The following PTPRD variants were observed in gnomAD, a reference collection of about 807,000 sequenced individuals.
The protein encoded by PTPRD is protein tyrosine phosphatase receptor type D.
Under a neutral mutation model 214.5 loss-of-function variants are expected in PTPRD, and 34 were observed. That is an observed-to-expected ratio of 0.16 (90% CI 0.12 to 0.21). The LOEUF is 0.21. PTPRD is among the 10% of genes least tolerant of loss of function. The pLI is 1.00. For synonymous variants in PTPRD, 1,128 were observed against 845.7 expected, an observed-to-expected ratio of 1.33 and a Z score of -5.79; for missense variants, 2,545 against 2,398.7, an observed-to-expected ratio of 1.06 and a Z score of -1.27.
chr9:8,907,533 A>AAAAAAATAT (rs3046919), intron 11 of PTPRD, among the ~76,000 whole-genome samples: 3 of 118,244 alleles, frequency 2.5e-5, no homozygotes, highest in Admixed American at 1.0e-4. Context: ...AAAAAAAAAA[A>AAAAAAATAT]ATATATATAT....
At chr9:8,915,705 A>C (rs2098780723) in intron 11 of PTPRD, among the ~76,000 whole-genome samples, 1 of 152,134 alleles carries the variant, frequency 6.6e-6, no homozygotes, top group South Asian at 2.1e-4. Flanking sequence ...AAAAAAATCC[A>C]ATGTCCCAGC....
At position 10,521,240 on chromosome 9, in the gene PTPRD, T is replaced by G. The variant is rs556480193; in HGVS notation, c.-600+91158A>C. On this transcript the variant is annotated intron_variant, in intron 2 of 45. Coordinates refer to ENST00000381196, the MANE Select transcript of PTPRD (RefSeq NM_002839.4). The stretch of plus-strand genomic sequence containing the variant: ...AACTCTCACAGATGACTTTCAGGGT[T>G]CAAGATTTCCATGGATGAAGTTACT... Among the ~76,000 whole-genome samples the G allele has an allele frequency of 5.9e-5, 9 of 152,232 alleles. No individual in the cohort carries two copies. In the South Asian group the frequency reaches 1.9e-3, roughly 32 times the overall value.
intron 5 of PTPRD, among the ~76,000 whole-genome samples, chr9:9,792,113 T>C (rs1277528704): frequency 2.3e-5 from 1 of 43,448 alleles, no homozygotes; most frequent in African/African-American, 2.0e-4. Flanking sequence ...TGAGATTTTC[T>C]GACACTTTTT....
At chr9:9,531,418 T>C (rs908956518) in intron 8 of PTPRD, among the ~76,000 whole-genome samples, 10 of 152,116 alleles carry the variant, frequency 6.6e-5, no homozygotes, top group African/African-American at 2.4e-4. Context: ...GTGATTTTGT[T>C]TGAATGTGAG....
intron 22 of PTPRD, among the ~76,000 whole-genome samples, chr9:8,506,415 T>C (rs962005120): frequency 2.0e-5 from 3 of 152,196 alleles, no homozygotes; most frequent in African/African-American, 7.2e-5. Flanking sequence ...CTGAAAATGT[T>C]AGATGTATCT....
At chr9:8,484,939 C>T (rs1216347007) in intron 29 of PTPRD, among the ~76,000 whole-genome samples, 1 of 152,180 alleles carries the variant, frequency 6.6e-6, no homozygotes, top group Admixed American at 6.5e-5. Flanking sequence ...ATTTCATTCT[C>T]TGGCTGAAAA....
At chr9:10,366,436 ATTG>A (rs2097518855) in intron 2 of PTPRD, among the ~76,000 whole-genome samples, 1 of 152,120 alleles carries the variant, frequency 6.6e-6, no homozygotes, top group African/African-American at 2.4e-5. Context: ...GTTGCACTAG[ATTG>A]TTGTTCCCAG....
intron 10 of PTPRD, among the ~76,000 whole-genome samples, chr9:9,147,927 A>T (rs1569553526): frequency 6.6e-6 from 1 of 152,154 alleles, no homozygotes; most frequent in Admixed American, 6.6e-5. Flanking sequence ...GGACTCAGCA[A>T]TTGGTGCTTT....
chr9:10,093,218 T>A (rs548867078), intron 3 of PTPRD, among the ~76,000 whole-genome samples: 8 of 151,326 alleles, frequency 5.3e-5, no homozygotes, highest in African/African-American at 1.7e-4. Flanking sequence ...AAGTCTAAAA[T>A]CTGGAATCTA....
intron 18 of PTPRD, among the ~76,000 whole-genome samples, chr9:8,524,532 G>C (rs1419258529): frequency 2.0e-5 from 3 of 152,006 alleles, no homozygotes; most frequent in African/African-American, 7.2e-5. Flanking sequence ...ATTGCACAGA[G>C]AACTGATTAG....
Position 9,950,958 on chromosome 9 carries a change from G to C in PTPRD, c.-471-12348C>G, listed in dbSNP as rs187874007. ...TTGAAATCAGGCATAGCAGCAGAAA[G>C]CTGACTCTAAGAATAGAATTTGGGG... is the stretch of plus-strand genomic sequence containing the variant. On this transcript the variant is annotated intron_variant, in intron 4 of 45. Transcript: ENST00000381196. Among the ~76,000 whole-genome samples, 866 of 152,222 alleles carry C rather than the reference G, an allele frequency of 5.7e-3. 13 individuals are homozygous for C. Among genetic ancestry groups the C allele is most frequent in the African/African-American group, 0.019 (801 of 41,548 alleles).
At chr9:10,289,263 CTA>C (rs2095459418) in intron 3 of PTPRD, among the ~76,000 whole-genome samples, 1 of 152,130 alleles carries the variant, frequency 6.6e-6, no homozygotes, top group South Asian at 2.1e-4. Flanking sequence ...TTAACAGGAT[CTA>C]TGTGTCATTT....
At position 9,419,700 on chromosome 9, in the gene PTPRD, T is replaced by G. The variant is rs201479050; in HGVS notation, c.-236-22218A>C. 1.5e-4 allele frequency among the ~76,000 whole-genome samples: 23 copies of G among 151,910 alleles called. No individual in the cohort carries two copies. The East Asian group carries it at 4.3e-3, about 28-fold the overall frequency. On this transcript the variant is annotated intron_variant, in intron 8 of 45. Coordinates refer to ENST00000381196, the MANE Select transcript of PTPRD (RefSeq NM_002839.4). The stretch of plus-strand genomic sequence containing the variant: ...GTCAAGGACTTTTCATGGCTGGACC[T>G]ACATTAACACAGATGGCAAAATTAC...
chr9:8,721,798 A>G (rs1308014505), intron 12 of PTPRD, among the ~76,000 whole-genome samples: 1 of 152,238 alleles, frequency 6.6e-6, no homozygotes, highest in Non-Finnish European at 1.5e-5. Context: ...CAATTCGCAC[A>G]GCTGATTTCA....
chr9:10,066,413 G>T (rs1202538128), intron 3 of PTPRD, among the ~76,000 whole-genome samples: 3 of 151,620 alleles, frequency 2.0e-5, no homozygotes, highest in African/African-American at 7.3e-5. Flanking sequence ...ACTAATTGAA[G>T]CTATTAATTA....
chr9:10,289,665 CA>C (rs1215990665), intron 3 of PTPRD, among the ~76,000 whole-genome samples: 1 of 152,124 alleles, frequency 6.6e-6, no homozygotes, highest in African/African-American at 2.4e-5. Flanking sequence ...CTTTATTCAA[CA>C]CAGCACTCTA....
intron 14 of PTPRD, among the ~76,000 whole-genome samples, chr9:8,531,781 G>A (rs1250103378): frequency 6.6e-6 from 1 of 152,064 alleles, no homozygotes; most frequent in African/African-American, 2.4e-5. Context: ...CTGATCAGTG[G>A]CAAGTGCCAA....
At chr9:9,803,863 C>G (rs147842296) in intron 5 of PTPRD, 56 of 151,970 alleles carry the variant, frequency 3.7e-4, no homozygotes, top group African/African-American at 1.3e-3. Flanking sequence ...CAGAAAGATC[C>G]TGACATAGTA....
chr9:8,439,390 A>T (rs758823755), intron 34 of PTPRD, among the ~76,000 whole-genome samples: 5 of 152,242 alleles, frequency 3.3e-5, no homozygotes, highest in African/African-American at 1.2e-4. Flanking sequence ...TGAACAGAGA[A>T]GGGTCTATTG....
Sources: gnomAD v4.1 joint callset for allele counts (sites outside exome capture counted in the v4.1 genomes callset) on GRCh38, gnomAD v4.1.1 for gene constraint, MANE v1.5 for transcripts, NCBI Gene and HGNC (gene_info 2026-07-23, HGNC 2026-07-21) for gene names.